Variants in PKHD1 observed in about 807,000 individuals in gnomAD.
PKHD1 encodes the protein fibrocystin.
PKHD1 carries 291 observed loss-of-function variants against 412.0 expected under a neutral mutation model. The observed-to-expected ratio is 0.71, with a 90% CI of 0.64 to 0.78. The LOEUF is 0.78. PKHD1 is among the 30% of genes least tolerant of loss of function. PKHD1 has a pLI of 0.00. For missense variants in PKHD1, 4,825 were observed against 4,950.7 expected (o/e 0.97, Z 0.76); for synonymous variants, 1,777 against 1,821.5 (o/e 0.98, Z 0.62).
rs528852062 is a variant in PKHD1 at position 51,934,050 on chromosome 6, T to C, written c.6121+60A>G. ...AGTCAAGGACTTTTAAACAGTTTTA[T>C]CAGTTTCCACTGCTAGACACAGCTC... On this transcript the variant is annotated intron_variant, in intron 37 of 66. Coordinates refer to ENST00000371117, the MANE Select transcript of PKHD1 (RefSeq NM_138694.4). 910 of 1,307,758 alleles carry C rather than the reference T, an allele frequency of 7.0e-4. 16 individuals are homozygous for C. The South Asian group carries it at 7.3e-3, about 10-fold the overall frequency. 81.0% of individuals were successfully genotyped at this position (1,307,758 alleles called of 1,614,324 possible). A position where few individuals can be genotyped will look rare whatever the true frequency, so the allele number is the denominator to read the frequency against.
chr6:51,950,220 A>AAAAAAAAAAATATAT, intron 36 of PKHD1, among the ~76,000 whole-genome samples: 1 of 98,328 alleles, frequency 1.0e-5, no homozygotes, highest in Non-Finnish European at 2.0e-5. Context: ...GAAAAAAAAA[A>AAAAAAAAAAATATAT]ATATATATAT....
chr6:51,640,597 G>A (rs752175356), intron 63 of PKHD1, among the ~76,000 whole-genome samples: 2 of 152,056 alleles, frequency 1.3e-5, no homozygotes, highest in Non-Finnish European at 2.9e-5. Context: ...TGCTGGGCTC[G>A]AGCAACTTTG....
intron 35 of PKHD1, among the ~76,000 whole-genome samples, chr6:51,989,909 A>AGGG (rs1796715253): frequency 3.5e-5 from 3 of 85,598 alleles, no homozygotes; most frequent in Admixed American, 2.5e-4. Context: ...GGGAGGAAGG[A>AGGG]AGGAAGGAAG....
chr6:51,713,540 T>C (rs1780894746), intron 60 of PKHD1, among the ~76,000 whole-genome samples: 1 of 152,208 alleles, frequency 6.6e-6, no homozygotes, highest in Non-Finnish European at 1.5e-5. Context: ...AGTAAGAACA[T>C]TGATAATCTA....
At chr6:51,792,618 T>C (rs1793937285) in intron 52 of PKHD1, among the ~76,000 whole-genome samples, 2 of 152,330 alleles carry the variant, frequency 1.3e-5, no homozygotes, top group South Asian at 2.1e-4. Flanking sequence ...GACTGAGTTG[T>C]AGCCAATAAA....
intron 60 of PKHD1, among the ~76,000 whole-genome samples, chr6:51,730,867 C>G (rs1052865168): frequency 3.9e-5 from 6 of 152,120 alleles, no homozygotes; most frequent in African/African-American, 1.4e-4. Flanking sequence ...AACATTCATC[C>G]ATTCATCTTA....
Position 51,901,092 on chromosome 6 carries a change from T to C in PKHD1, c.6996+2505A>G, listed in dbSNP as rs1294477031. On this transcript the variant is annotated intron_variant, in intron 43 of 66. Transcript: ENST00000371117. The stretch of plus-strand genomic sequence containing the variant: ...GTGGGACTGTAAACTAGTTCAACCA[T>C]TGTGGAAATCAGTGTGGTGATTCCT... Among the ~76,000 whole-genome samples the C allele has an allele frequency of 6.6e-5, 10 of 152,258 alleles. No homozygotes were observed. The East Asian group carries it at 1.9e-3, about 29-fold the overall frequency.
chr6:51,636,515 C>T (rs1211739328), intron 64 of PKHD1, among the ~76,000 whole-genome samples: 1 of 151,992 alleles, frequency 6.6e-6, no homozygotes, highest in African/African-American at 2.4e-5. Context: ...CCACTGCACT[C>T]CAGCCTGGGT....
At chr6:52,057,568 C>T (rs1807952051) in intron 16 of PKHD1, among the ~76,000 whole-genome samples, 1 of 152,182 alleles carries the variant, frequency 6.6e-6, no homozygotes, top group Non-Finnish European at 1.5e-5. Flanking sequence ...AGGCACATGC[C>T]ACCATGCCCA....
intron 34 of PKHD1, among the ~76,000 whole-genome samples, chr6:52,010,870 G>A (rs936142903): frequency 1.3e-5 from 2 of 151,832 alleles, no homozygotes; most frequent in Non-Finnish European, 2.9e-5. Flanking sequence ...CATACTTAGT[G>A]TTGGGGGAGT....
At chr6:51,740,339 A>G (rs575164206) in intron 60 of PKHD1, among the ~76,000 whole-genome samples, 1 of 152,334 alleles carries the variant, frequency 6.6e-6, no homozygotes, top group African/African-American at 2.4e-5. Context: ...ACCTGTGGAT[A>G]TCTGTCTGGG....
chr6:51,844,540 C>CGAG (rs1156923006), intron 50 of PKHD1, among the ~76,000 whole-genome samples: 9 of 152,194 alleles, frequency 5.9e-5, no homozygotes, highest in Non-Finnish European at 1.3e-4. Context: ...GCAGCACACT[C>CGAG]TAGTGGAGAG....
intron 54 of PKHD1, among the ~76,000 whole-genome samples, chr6:51,774,419 A>G (rs1790659373): frequency 6.6e-6 from 1 of 151,980 alleles, no homozygotes; most frequent in East Asian, 1.9e-4. Flanking sequence ...GTCCTAACAG[A>G]AAGTTTGTTC....
At chr6:51,916,722 A>C (rs112102633) in intron 37 of PKHD1, among the ~76,000 whole-genome samples, 4,524 of 152,196 alleles carry the variant, frequency 0.03, 120 homozygotes, top group East Asian at 0.11. Flanking sequence ...AACTATTGAA[A>C]CCCAGGTTGG....
rs1463808223 is a variant in PKHD1, at chr6:52,060,134, T to C, written c.1119-92A>G. The C allele has an allele frequency of 2.5e-5, 19 of 753,446 alleles. No individual in the cohort carries two copies. The Admixed American group carries it at 2.9e-4, about 12-fold the overall frequency. The allele number at this position is 753,446 out of a possible 1,614,324, so 46.7% of individuals were successfully genotyped here. ...TGCCCTTGTACTTTGTCTTCTTTTA[T>C]GGTAATAAAGAAGAACAACCTGATT... On this transcript the variant is annotated intron_variant, in intron 14 of 66. Coordinates refer to ENST00000371117, the MANE Select transcript of PKHD1 (RefSeq NM_138694.4).
Position 51,659,573 on chromosome 6 carries a change from G to C in PKHD1, c.10553C>G (p.Thr3518Ser), listed in dbSNP as rs1026484935. 2 of 1,613,758 alleles carry C rather than the reference G, an allele frequency of 1.2e-6. No homozygotes were observed. Among genetic ancestry groups the C allele is most frequent in the Admixed American group, 1.7e-5 (1 of 59,888 alleles). ...CAATAAGGAAGCTGACTGAACCAGA[G>C]TGGGTGGAATAAAACTTTCCCCTAA... is the stretch of plus-strand genomic sequence containing the variant. Reference protein sequence around the residue: ...VFLGESFIPPTLVQSASLLLN... With the variant: ...VFLGESFIPPSLVQSASLLLN... Residue 3518 changes from threonine to serine, a missense_variant, in exon 61 of 67, where the codon ACT becomes AGT. Thr to Ser is a moderately conservative substitution (Grantham distance 58). Coordinates refer to ENST00000371117, the MANE Select transcript of PKHD1 (RefSeq NM_138694.4).
At chr6:51,962,881 C>A (rs1477206577) in intron 35 of PKHD1, among the ~76,000 whole-genome samples, 1 of 152,062 alleles carries the variant, frequency 6.6e-6, no homozygotes, top group African/African-American at 2.4e-5. Flanking sequence ...CAATTCCTTG[C>A]ATATTTGGTT....
At chr6:51,664,694 A>G (rs923593692) in intron 60 of PKHD1, among the ~76,000 whole-genome samples, 3 of 152,132 alleles carry the variant, frequency 2.0e-5, no homozygotes, top group Admixed American at 6.5e-5. Flanking sequence ...CTTCTCAACT[A>G]TGTGTTAGTT....
chr6:51,727,043 C>T (rs1782665770), intron 60 of PKHD1, among the ~76,000 whole-genome samples: 2 of 152,118 alleles, frequency 1.3e-5, no homozygotes, highest in South Asian at 4.1e-4. Context: ...TTAGCTATTG[C>T]TGATTTTGAA....
Sources: allele counts gnomAD v4.1 joint callset (sites outside exome capture counted in the v4.1 genomes callset), GRCh38; gene constraint gnomAD v4.1.1; transcripts MANE v1.5; gene names NCBI Gene and HGNC (gene_info 2026-07-23, HGNC 2026-07-21).